PHACTR3: variants seen among roughly 807,000 people sequenced by gnomAD.
PHACTR3 encodes the protein phosphatase and actin regulator 3, also known as protein phosphatase 1, regulatory subunit 123.
In PHACTR3, 16 loss-of-function variants were observed where a neutral mutation model predicts 66.8. The observed-to-expected ratio is 0.24, with a 90% CI of 0.16 to 0.36. PHACTR3 has a LOEUF of 0.36. PHACTR3 is among the 10% of genes least tolerant of loss of function. The pLI, the probability that PHACTR3 is intolerant of heterozygous loss-of-function variation, is 1.00. For missense variants in PHACTR3, 647 were observed against 719.9 expected, an observed-to-expected ratio of 0.90 and a Z score of 1.16; for synonymous variants, 323 against 292.1, an observed-to-expected ratio of 1.11 and a Z score of -1.08.
intron 1 of PHACTR3, among the ~76,000 whole-genome samples, chr20:59,732,001 T>C (rs1286105302): frequency 1.3e-5 from 2 of 152,180 alleles, no homozygotes; most frequent in Non-Finnish European, 2.9e-5. Context: ...TATTGCAGTC[T>C]AGGCAGCAAG....
At chr20:59,803,669 C>T (rs1047381375) in intron 7 of PHACTR3, among the ~76,000 whole-genome samples, 22 of 152,164 alleles carry the variant, frequency 1.4e-4, no homozygotes, top group African/African-American at 5.3e-4. Context: ...AATAGGTACA[C>T]AATATTCAGA....
At chr20:59,732,572 G>A (rs1317019465) in intron 1 of PHACTR3, among the ~76,000 whole-genome samples, 4 of 152,148 alleles carry the variant, frequency 2.6e-5, no homozygotes, top group African/African-American at 9.7e-5. Context: ...AACCAGTAAA[G>A]GAGAGAAAGG....
At chr20:59,744,025 C>T (rs2146772662) in intron 2 of PHACTR3, among the ~76,000 whole-genome samples, 1 of 152,322 alleles carries the variant, frequency 6.6e-6, no homozygotes, top group South Asian at 2.1e-4. Context: ...GAACTGCAGC[C>T]ATGAGGCTGA....
chr20:59,841,683 AG>A, intron 11 of PHACTR3, 148 bp downstream of exon 11: 2 of 889,488 alleles, frequency 2.2e-6, no homozygotes, highest in Non-Finnish European at 3.2e-6. Flanking sequence ...AAGATAATTC[AG>A]GGTCAGATTG....
chr20:59,673,049 G>T (rs148156429), intron 1 of PHACTR3, among the ~76,000 whole-genome samples: 4 of 152,350 alleles, frequency 2.6e-5, no homozygotes, highest in African/African-American at 9.6e-5. Flanking sequence ...CAATCTGAGG[G>T]CAGGAGGGTA....
intron 3 of PHACTR3, among the ~76,000 whole-genome samples, chr20:59,752,871 G>T (rs1317745789): frequency 5.3e-5 from 8 of 152,174 alleles, no homozygotes. Context: ...AGAGCCCTGT[G>T]CTCCCCTACG....
rs777837894 is a variant in PHACTR3, at chr20:59,774,253, A to C, written c.937A>C (p.Arg313=). ...ATCTTTCTGGTTTAGTTTTCAAGGA[A>C]GAGAAAGTAAAGGGTCTCCAAAGAA... ...TKHRQDSFQG[R]ESKGSPKKRL... is the part of the protein sequence containing the mutation. The change falls in exon 7 of 13, where the codon AGA becomes CGA. Residue 313 remains arginine, a synonymous_variant. Transcript: ENST00000371015. The C allele has an allele frequency of 6.3e-7, 1 of 1,586,738 alleles. No individual in the cohort carries two copies. Among genetic ancestry groups the C allele is most frequent in the East Asian group, 2.2e-5 (1 of 44,660 alleles).
chr20:59,830,523 G>A lies in PHACTR3; in HGVS notation c.1329-5982G>A, dbSNP rs1259382551. On this transcript the variant is annotated intron_variant, in intron 8 of 12. Coordinates refer to ENST00000371015, the MANE Select transcript of PHACTR3 (RefSeq NM_080672.5). This position sits in a 1 kb window ranked among gnomAD's most constrained non-coding sequence, Gnocchi z 5.8. Reference sequence around the variant, plus strand: ...GGGTGTGAGCATCCGTCTGATGGAGGAGGCTGTGAGTGTCTGAAGGAGGAG... The same window carrying A: ...GGGTGTGAGCATCCGTCTGATGGAGAAGGCTGTGAGTGTCTGAAGGAGGAG... Among the ~76,000 whole-genome samples, 2 of 152,174 alleles carry A rather than the reference G, an allele frequency of 1.3e-5. No homozygotes were observed. Among genetic ancestry groups the A allele is most frequent in the African/African-American group, 2.4e-5 (1 of 41,426 alleles).
chr20:59,779,960 A>G (rs1291891613), intron 7 of PHACTR3, among the ~76,000 whole-genome samples: 15 of 152,230 alleles, frequency 9.9e-5, no homozygotes, highest in Non-Finnish European at 1.0e-4. Flanking sequence ...ACCTGTCAAG[A>G]AAAAGATGTT....
At chr20:59,783,039 G>A (rs887497284) in intron 7 of PHACTR3, among the ~76,000 whole-genome samples, 1 of 152,224 alleles carries the variant, frequency 6.6e-6, no homozygotes, top group Admixed American at 6.5e-5. Context: ...CATTTTAAGT[G>A]TGGGGAGGGT....
At chr20:59,606,444 G>A (rs944081165) in intron 1 of PHACTR3, among the ~76,000 whole-genome samples, 6 of 152,162 alleles carry the variant, frequency 3.9e-5, no homozygotes, top group African/African-American at 1.4e-4. Context: ...ATCTGGGAGG[G>A]CAGGTTAATT....
At chr20:59,839,033 A>G (rs1028962424) in intron 9 of PHACTR3, among the ~76,000 whole-genome samples, 22 of 151,624 alleles carry the variant, frequency 1.5e-4, no homozygotes, top group African/African-American at 5.3e-4. Flanking sequence ...GGCATTTTTC[A>G]GGATTAAAAA....
chr20:59,790,685 G>A (rs1352893036), intron 7 of PHACTR3, among the ~76,000 whole-genome samples: 1 of 152,236 alleles, frequency 6.6e-6, no homozygotes, highest in Non-Finnish European at 1.5e-5. Context: ...ATATTGCAAA[G>A]TAGTGTGTAT....
intron 1 of PHACTR3, among the ~76,000 whole-genome samples, chr20:59,667,601 T>C (rs961188640): frequency 1.3e-5 from 2 of 152,234 alleles, no homozygotes; most frequent in Non-Finnish European, 2.9e-5. Context: ...TTTTTCTGAC[T>C]TTCCCCTGTC....
intron 1 of PHACTR3, among the ~76,000 whole-genome samples, chr20:59,597,260 A>G (rs1271338359): frequency 6.6e-6 from 1 of 152,234 alleles, no homozygotes; most frequent in African/African-American, 2.4e-5. Context: ...AAATCAATGC[A>G]TGTGAGGTCC....
chr20:59,638,965 G>A (rs111859969), intron 1 of PHACTR3, among the ~76,000 whole-genome samples: 1 of 148,780 alleles, frequency 6.7e-6, no homozygotes, highest in African/African-American at 2.5e-5. Context: ...GTGGGTGAAT[G>A]GATTGATGGA....
chr20:59,584,620 A>G (rs1458894100), intron 1 of PHACTR3, among the ~76,000 whole-genome samples: 1 of 152,136 alleles, frequency 6.6e-6, no homozygotes, highest in Non-Finnish European at 1.5e-5. Context: ...TGCCAGCCTC[A>G]GCACAGCCCT....
At chr20:59,763,291 C>T (rs1241482016) in intron 4 of PHACTR3, among the ~76,000 whole-genome samples, 3 of 152,212 alleles carry the variant, frequency 2.0e-5, no homozygotes, top group Admixed American at 2.0e-4. Context: ...CTGAGGCCTC[C>T]CCAGCCATGC....
chr20:59,609,248 G>A (rs1453282667), intron 1 of PHACTR3, among the ~76,000 whole-genome samples: 4 of 152,172 alleles, frequency 2.6e-5, no homozygotes, highest in Non-Finnish European at 5.9e-5. Context: ...CATTCCCCAG[G>A]CCCTGGGCTC....
Sources: gnomAD v4.1 joint callset for allele counts (sites outside exome capture counted in the v4.1 genomes callset) on GRCh38, gnomAD v4.1.1 for gene constraint, Gnocchi (gnomAD v3.1) non-coding constraint, MANE v1.5 for transcripts, NCBI Gene and HGNC (gene_info 2026-07-23, HGNC 2026-07-21) for gene names.